EPS15L1: variants seen among roughly 807,000 people sequenced by gnomAD.
EPS15L1 encodes epidermal growth factor receptor pathway substrate 15 like 1.
In EPS15L1, 43 loss-of-function variants were observed where a neutral mutation model predicts 117.1. That is an observed-to-expected ratio of 0.37 (90% confidence interval 0.29 to 0.47). The LOEUF (loss-of-function observed/expected upper bound fraction) is 0.47. Ranked by LOEUF, EPS15L1 falls within the 20% of genes least tolerant of loss-of-function variation. The pLI is 0.99. For missense variants in EPS15L1, 981 were observed against 1,164.0 expected (o/e 0.84, Z 2.29); for synonymous variants, 459 against 470.5 (o/e 0.98, Z 0.32).
chr19:16,372,129 T>C (rs1330899294), intron 22 of EPS15L1, among the ~76,000 whole-genome samples: 1 of 152,216 alleles, frequency 6.6e-6, no homozygotes, highest in Non-Finnish European at 1.5e-5. Flanking sequence ...CAGAGTGCAC[T>C]TTCTGGCTTA....
intron 7 of EPS15L1, among the ~76,000 whole-genome samples, chr19:16,432,791 C>T (rs1046336973): frequency 3.3e-5 from 5 of 151,754 alleles, no homozygotes; most frequent in Admixed American, 1.3e-4. Flanking sequence ...CAAAACAAAA[C>T]AAAAAATTAA....
Position 16,400,336 on chromosome 19 carries a change from C to CAAAAA in EPS15L1, c.1791+1980_1791+1984dup, listed in dbSNP as rs1162302779. 5.7e-3 allele frequency among the ~76,000 whole-genome samples: 343 copies of CAAAAA among 60,600 alleles called. 4 individuals carry two copies. Among genetic ancestry groups the CAAAAA allele is most frequent in the African/African-American group, 0.017 (274 of 16,192 alleles). 39.8% of individuals were successfully genotyped at this position (60,600 alleles called of 152,430 possible). On this transcript the variant is annotated intron_variant, in intron 16 of 23. Transcript: ENST00000455140. The stretch of plus-strand genomic sequence containing the variant: ...TGGGAGACAGAGCGAGACTCCGTCT[C>CAAAAA]AAAAAAAAAAAAACAAAAACAAAAA...
In EPS15L1 at chr19:16,355,655, C is replaced by G; in HGVS notation, c.*50G>C. On this transcript the variant is annotated 3_prime_UTR_variant, in exon 24 of 24. Coordinates refer to ENST00000455140, the MANE Select transcript of EPS15L1 (RefSeq NM_001258374.3). Reference sequence around the variant, plus strand: ...TGTATATATAGACATCTGCACTGCCCCCTCTCTGGAACCCGCCCGTGCCCT... The same window carrying G: ...TGTATATATAGACATCTGCACTGCCGCCTCTCTGGAACCCGCCCGTGCCCT... 1 of 1,521,094 alleles carries G rather than the reference C, an allele frequency of 6.6e-7. No homozygotes were observed. Among genetic ancestry groups the G allele is most frequent in the Non-Finnish European group, 8.8e-7 (1 of 1,136,562 alleles). 94.2% of individuals were successfully genotyped at this position (1,521,094 alleles called of 1,614,324 possible).
chr19:16,368,219 C>T (rs2092166194), intron 22 of EPS15L1, among the ~76,000 whole-genome samples: 2 of 152,204 alleles, frequency 1.3e-5, no homozygotes, highest in South Asian at 4.1e-4. Flanking sequence ...ACTGTGGACA[C>T]ACATACACAA....
In EPS15L1 at chr19:16,381,189, T is replaced by A. The variant is rs1391256897; in HGVS notation, c.2248-3935A>T. Among the ~76,000 whole-genome samples the A allele has an allele frequency of 6.6e-6, 1 of 152,240 alleles. No homozygotes were observed. Among genetic ancestry groups the A allele is most frequent in the Non-Finnish European group, 1.5e-5 (1 of 68,028 alleles). On this transcript the variant is annotated intron_variant, in intron 21 of 23. Coordinates refer to ENST00000455140, the MANE Select transcript of EPS15L1 (RefSeq NM_001258374.3). This position sits in a 1 kb window ranked among gnomAD's most constrained non-coding sequence, Gnocchi z 4.2. ...CTGTGCTGATCTTCTCACCTAATAATAGGCCCAGTGACCTGGCAGGGGGTC... is the reference window on the plus strand; with the variant it reads ...CTGTGCTGATCTTCTCACCTAATAAAAGGCCCAGTGACCTGGCAGGGGGTC...
At chr19:16,466,049 T>A (rs1473672588) in intron 1 of EPS15L1, among the ~76,000 whole-genome samples, 2 of 148,652 alleles carry the variant, frequency 1.3e-5, no homozygotes, top group Admixed American at 6.9e-5. Context: ...AGTACAGTGG[T>A]GCAATCTCGG....
chr19:16,411,880 G>A (rs1267706876), intron 13 of EPS15L1, among the ~76,000 whole-genome samples: 1 of 152,010 alleles, frequency 6.6e-6, no homozygotes, highest in Non-Finnish European at 1.5e-5. Context: ...AAATATTTTT[G>A]TAGAAACAGG....
intron 15 of EPS15L1, 42 bp downstream of exon 15, chr19:16,403,691 C>A (rs2092625281): frequency 6.3e-7 from 1 of 1,582,114 alleles, no homozygotes; most frequent in Non-Finnish European, 8.6e-7. Context: ...TTGGGGCTCG[C>A]TGGTCCCTGG....
chr19:16,440,829 C>T, intron 4 of EPS15L1, 33 bp downstream of exon 4: 1 of 1,610,628 alleles, frequency 6.2e-7, no homozygotes, highest in South Asian at 1.1e-5. Flanking sequence ...TCTGCCCAGC[C>T]CCTCCATTTG....
intron 22 of EPS15L1, among the ~76,000 whole-genome samples, chr19:16,376,048 G>A (rs2092291264): frequency 6.6e-6 from 1 of 152,222 alleles, no homozygotes. Context: ...TTCCAGGGGA[G>A]GGGCACGTGT....
intron 4 of EPS15L1, 40 bp from the exon 5 acceptor site, chr19:16,437,905 G>A (rs753275318): frequency 7.4e-6 from 11 of 1,480,466 alleles, no homozygotes; most frequent in East Asian, 2.3e-5. Flanking sequence ...ACAGCATATC[G>A]CCAGTGAGGG....
intron 11 of EPS15L1, among the ~76,000 whole-genome samples, 154 bp from the exon 12 acceptor site, chr19:16,417,791 G>A (rs1288566659): frequency 1.3e-5 from 2 of 152,322 alleles, no homozygotes; most frequent in South Asian, 2.1e-4. Context: ...GGAAATACCT[G>A]GGCAGCCAAG....
chr19:16,402,629 G>C (rs986186838), intron 15 of EPS15L1, 144 bp from the exon 16 acceptor site: 2 of 716,876 alleles, frequency 2.8e-6, no homozygotes, highest in Non-Finnish European at 4.2e-6. Context: ...GTAGCCTTGA[G>C]CTCCTGACCT....
At position 16,406,092 on chromosome 19, in the gene EPS15L1, G is replaced by A. The variant is rs571527097; in HGVS notation, c.1267-1343C>T. Among the ~76,000 whole-genome samples, 44 of 152,268 alleles carry A rather than the reference G, an allele frequency of 2.9e-4. 1 individual carries two copies. Among genetic ancestry groups the A allele is most frequent in the Admixed American group, 2.8e-3 (43 of 15,304 alleles). On this transcript the variant is annotated intron_variant, in intron 13 of 23. Transcript: ENST00000455140. ...ATGGCTGGGTGGTGGGGCTGAGTCC[G>A]AGAGCCAGCCTGGGCTGCTGGGGTG...
intron 1 of EPS15L1, among the ~76,000 whole-genome samples, chr19:16,442,753 C>T (rs1041098200): frequency 3.3e-5 from 5 of 152,232 alleles, no homozygotes; most frequent in African/African-American, 7.2e-5. Flanking sequence ...GCCCGGAGAG[C>T]GCTGGCCAGT....
chr19:16,466,667 C>T (rs892617543), intron 1 of EPS15L1, among the ~76,000 whole-genome samples: 4 of 152,136 alleles, frequency 2.6e-5, no homozygotes, highest in African/African-American at 7.2e-5. Context: ...CTTTGGGAGG[C>T]TGAGGCAGAC....
intron 7 of EPS15L1, 36 bp from the exon 8 acceptor site, chr19:16,428,797 G>A: frequency 6.4e-7 from 1 of 1,559,476 alleles, no homozygotes; most frequent in Non-Finnish European, 8.8e-7. Flanking sequence ...AACTGTGGGA[G>A]GAAGGACTGG....
chr19:16,424,599 C>T (rs2092850332), intron 9 of EPS15L1, among the ~76,000 whole-genome samples: 1 of 151,898 alleles, frequency 6.6e-6, no homozygotes, highest in South Asian at 2.1e-4. Context: ...TCACTTGAGC[C>T]AAGGAGTTCA....
At chr19:16,407,849 G>GTCA (rs2092671010) in intron 13 of EPS15L1, among the ~76,000 whole-genome samples, 1 of 152,182 alleles carries the variant, frequency 6.6e-6, no homozygotes, top group East Asian at 1.9e-4. Context: ...CCCCTGTGAC[G>GTCA]TGACAACTCC....
Sources: gnomAD v4.1 joint callset for allele counts (sites outside exome capture counted in the v4.1 genomes callset) on GRCh38, gnomAD v4.1.1 for gene constraint, Gnocchi (gnomAD v3.1) non-coding constraint, MANE v1.5 for transcripts, NCBI Gene and HGNC (gene_info 2026-07-23, HGNC 2026-07-21) for gene names.